The following SAMSN1 variants were observed in gnomAD, a reference collection of about 807,000 sequenced individuals.
SAMSN1 encodes SAM domain, SH3 domain and nuclear localization signals 1, also known as SAM domain-containing protein SAMSN-1.
In SAMSN1, 31 loss-of-function variants were observed where a neutral mutation model predicts 42.0. That is an observed-to-expected ratio of 0.74 (90% confidence interval 0.55 to 1.00). The LOEUF is 1.00. SAMSN1 is among the 50% of genes least tolerant of loss of function. The pLI is 0.00. For missense variants in SAMSN1, 464 were observed against 439.4 expected, an observed-to-expected ratio of 1.06 and a Z score of -0.50; for synonymous variants, 178 against 151.9, an observed-to-expected ratio of 1.17 and a Z score of -1.26.
intron 1 of SAMSN1, among the ~76,000 whole-genome samples, chr21:14,657,458 G>C (rs554928024): frequency 6.6e-6 from 1 of 151,862 alleles, no homozygotes; most frequent in African/African-American, 2.4e-5. Context: ...TCATTATATG[G>C]TTATATGTCT....
chr21:14,557,241 AC>A (rs1366941693), intron 2 of SAMSN1, among the ~76,000 whole-genome samples: 2 of 152,230 alleles, frequency 1.3e-5, no homozygotes, highest in Admixed American at 1.3e-4. Context: ...CTTGAGCCTG[AC>A]ACCTGTCCTC....
At chr21:14,613,432 T>C (rs1305882942) in intron 3 of SAMSN1, among the ~76,000 whole-genome samples, 1 of 152,190 alleles carries the variant, frequency 6.6e-6, no homozygotes, top group Non-Finnish European at 1.5e-5. Context: ...AATATGATCA[T>C]GCTAATCAAT....
At chr21:14,546,336 T>C, upstream of SAMSN1, 1 of 1,594,992 alleles carries the variant, frequency 6.3e-7, no homozygotes, top group Non-Finnish European at 8.5e-7. Flanking sequence ...AGCAGTGTGC[T>C]GTCTAATGCA....
intron 5 of SAMSN1, among the ~76,000 whole-genome samples, chr21:14,509,672 A>G (rs1987589097): frequency 6.6e-6 from 1 of 152,158 alleles, no homozygotes; most frequent in African/African-American, 2.4e-5. Context: ...TCCTGCAAGT[A>G]TCAGGCAGAG....
upstream of SAMSN1, among the ~76,000 whole-genome samples, chr21:14,586,266 AAAAAAAAAAAAAG>A (rs1216257844): frequency 1.3e-5 from 2 of 149,174 alleles, no homozygotes; most frequent in Non-Finnish European, 3.0e-5. Flanking sequence ...CCATCTCAAA[AAAAAAAAAAAAAG>A]AAAAAGAAAA....
chr21:14,627,827 A>C (rs8129964), intron 2 of SAMSN1, among the ~76,000 whole-genome samples: 4,796 of 152,312 alleles, frequency 0.031, 228 homozygotes, highest in African/African-American at 0.1. Context: ...GCTATTTCAT[A>C]TTATCTTCTT....
intron 1 of SAMSN1, among the ~76,000 whole-genome samples, chr21:14,544,818 G>A (rs911676587): frequency 6.6e-6 from 1 of 151,990 alleles, no homozygotes; most frequent in Non-Finnish European, 1.5e-5. Context: ...ATAAAATACA[G>A]GCTTTATTAA....
chr21:14,575,713 T>C (rs1178180957), intron 2 of SAMSN1, among the ~76,000 whole-genome samples: 1 of 152,220 alleles, frequency 6.6e-6, no homozygotes, highest in Non-Finnish European at 1.5e-5. Flanking sequence ...CCAAAAATAA[T>C]ACTACTCACC....
At chr21:14,657,474 A>G (rs543820050) in intron 1 of SAMSN1, among the ~76,000 whole-genome samples, 1 of 151,982 alleles carries the variant, frequency 6.6e-6, no homozygotes, top group East Asian at 1.9e-4. Context: ...TGTCTTCAGC[A>G]GCAGCATTAC....
At position 14,498,465 on chromosome 21, in the gene SAMSN1, G is replaced by A. The variant is rs1172164237; in HGVS notation, c.896C>T (p.Ala299Val). ...ACTTTCTTCTTCAAGGAAGTTTTCA[G>A]CAGCTGATAGTAACCTTCTTCTGTC... ...PDDRRRLLSA[A>V]ENFLEEEIIQ... The change falls in exon 7 of 8, where the codon GCT becomes GTT. Residue 299 changes from alanine (A) to valine (V), a missense_variant. Transcript: ENST00000400566. The A allele has an allele frequency of 6.2e-7, 1 of 1,610,046 alleles. No individual in the cohort carries two copies. Among genetic ancestry groups the A allele is most frequent in the South Asian group, 1.1e-5 (1 of 90,074 alleles).
intron 2 of SAMSN1, among the ~76,000 whole-genome samples, chr21:14,565,560 G>T (rs1369719278): frequency 6.6e-6 from 1 of 152,050 alleles, no homozygotes; most frequent in African/African-American, 2.4e-5. Flanking sequence ...ATGGGTTCTT[G>T]GCCTCCATCT....
At position 14,632,579 on chromosome 21, in the gene SAMSN1, T is replaced by C. The variant is rs926975412; in HGVS notation, c.156+10423A>G. On this transcript the variant is annotated intron_variant, in intron 2 of 15. Coordinates refer to the SAMSN1 transcript ENST00000647101. ...GTAATACAAATAATTGTGTATTATTTATTGTGCAACAGTAAATTGTGCAAC... is the reference window on the plus strand; with the variant it reads ...GTAATACAAATAATTGTGTATTATTCATTGTGCAACAGTAAATTGTGCAAC... Among the ~76,000 whole-genome samples the C allele has an allele frequency of 3.3e-5, 5 of 152,216 alleles. No homozygotes were observed. The East Asian group carries it at 9.6e-4, about 29-fold the overall frequency.
intron 2 of SAMSN1, among the ~76,000 whole-genome samples, chr21:14,630,126 A>G (rs985672981): frequency 4.6e-5 from 7 of 152,198 alleles, no homozygotes; most frequent in East Asian, 1.9e-4. Context: ...TTTGCAATGG[A>G]AAAGCACTGA....
intron 1 of SAMSN1, among the ~76,000 whole-genome samples, chr21:14,651,145 T>C (rs1983828448): frequency 6.6e-6 from 1 of 151,730 alleles, no homozygotes; most frequent in Admixed American, 6.6e-5. Context: ...TTCCAAAAAG[T>C]GGAGGAGAGG....
intron 3 of SAMSN1, among the ~76,000 whole-genome samples, chr21:14,614,978 A>G (rs948792984): frequency 6.6e-6 from 1 of 152,116 alleles, no homozygotes; most frequent in Non-Finnish European, 1.5e-5. Flanking sequence ...TCTGTCATCT[A>G]TGTTTTGGTA....
At chr21:14,602,279 C>A (rs117220751) in intron 5 of SAMSN1, among the ~76,000 whole-genome samples, 5 of 151,460 alleles carry the variant, frequency 3.3e-5, no homozygotes, top group Non-Finnish European at 5.9e-5. Flanking sequence ...AGAAACAGAT[C>A]AAAATAAAAT....
In SAMSN1 at chr21:14,599,664, A is replaced by G. The variant is rs144599724; in HGVS notation, c.399+2359T>C. On this transcript the variant is annotated intron_variant, in intron 6 of 15. Coordinates refer to the SAMSN1 transcript ENST00000647101. The stretch of plus-strand genomic sequence containing the variant: ...CGAGAGCCAGTTGTTTCAAAGAGCT[A>G]GGGGTGCACCTCTCCCTGCCTTGCT... Among the ~76,000 whole-genome samples the G allele has an allele frequency of 4.5e-3, 687 of 152,138 alleles. 6 individuals are homozygous for G. The highest frequency in any genetic ancestry group is 0.016 in the African/African-American group (659 of 41,506).
In SAMSN1 at chr21:14,516,823, T is replaced by G. The variant is rs1987939402; in HGVS notation, c.279+69A>C. The G allele has an allele frequency of 7.5e-6, 10 of 1,326,484 alleles. No homozygotes were observed. In the East Asian group the frequency reaches 2.3e-4, roughly 31 times the overall value. The allele number at this position is 1,326,484 out of a possible 1,614,324, so 82.2% of individuals were successfully genotyped here. A position where few individuals can be genotyped will look rare whatever the true frequency, so the allele number is the denominator to read the frequency against. On this transcript the variant is annotated intron_variant, in intron 3 of 7. Transcript: ENST00000400566. Reference sequence around the variant, plus strand: ...TACTTCATAAAGTACCAAGCACTTCTATAGTCTAGCTGAATAGTTTAAGAA... The same window carrying G: ...TACTTCATAAAGTACCAAGCACTTCGATAGTCTAGCTGAATAGTTTAAGAA...
chr21:14,548,535 C>T (rs1980502323), upstream of SAMSN1, among the ~76,000 whole-genome samples: 1 of 151,986 alleles, frequency 6.6e-6, no homozygotes, highest in South Asian at 2.1e-4. Flanking sequence ...GGCACTTCAC[C>T]ATCTTTAACA....
Sources: gnomAD v4.1 joint callset for allele counts (sites outside exome capture counted in the v4.1 genomes callset) on GRCh38, gnomAD v4.1.1 for gene constraint, MANE v1.5 for transcripts, NCBI Gene and HGNC (gene_info 2026-07-23, HGNC 2026-07-21) for gene names.